VPS8: variants seen among roughly 807,000 people sequenced by gnomAD.
VPS8 encodes VPS8 subunit of CORVET complex.
In VPS8, 129 loss-of-function variants were observed where a neutral mutation model predicts 216.4. The observed-to-expected ratio is 0.60, with a 90% CI of 0.52 to 0.69. The LOEUF is 0.69. VPS8 is among the 30% of genes least tolerant of loss of function. The probability of loss-of-function intolerance (pLI) is 0.00; values close to 1 mark genes in which losing one functional copy is unlikely to be tolerated. For synonymous variants in VPS8, 571 were observed against 565.4 expected, an observed-to-expected ratio of 1.01 and a Z score of -0.14; for missense variants, 1,531 against 1,683.5, an observed-to-expected ratio of 0.91 and a Z score of 1.59.
At chr3:184,975,995 T>G (rs1186147583) in intron 40 of VPS8, among the ~76,000 whole-genome samples, 1 of 152,162 alleles carries the variant, frequency 6.6e-6, no homozygotes, top group Non-Finnish European at 1.5e-5. Flanking sequence ...TTGTCCTCCT[T>G]CCTCATTCCC....
chr3:184,875,054 A>G (rs967269102), intron 21 of VPS8, among the ~76,000 whole-genome samples: 4 of 146,040 alleles, frequency 2.7e-5, no homozygotes, highest in African/African-American at 1.0e-4. Flanking sequence ...GTGTTTTTAA[A>G]ACTTTTTTTT....
At chr3:184,928,934 A>C (rs1740182577) in intron 32 of VPS8, among the ~76,000 whole-genome samples, 1 of 152,204 alleles carries the variant, frequency 6.6e-6, no homozygotes, top group Non-Finnish European at 1.5e-5. Flanking sequence ...TGCTGTATTT[A>C]TATGACATGT....
intron 36 of VPS8, among the ~76,000 whole-genome samples, chr3:184,951,478 G>A (rs1433430824): frequency 6.8e-6 from 1 of 147,518 alleles, no homozygotes; most frequent in African/African-American, 2.5e-5. Flanking sequence ...GAGTGAGACT[G>A]TCTAAAAAAA....
chr3:184,940,270 T>TTTTATATATATATATATATATATATATA (rs142586532), intron 36 of VPS8, 27 bp downstream of exon 36: 1 of 522,720 alleles, frequency 1.9e-6, no homozygotes, highest in African/African-American at 1.9e-5. Context: ...TAGTCTTTCA[T>TTTTATATATATATATATATATATATATA]TATATATATA....
chr3:185,002,529 G>C (rs1753554930), intron 45 of VPS8, among the ~76,000 whole-genome samples: 1 of 152,098 alleles, frequency 6.6e-6, no homozygotes, highest in Non-Finnish European at 1.5e-5. Flanking sequence ...TGATTTCTGA[G>C]ATTTTGGTGC....
At chr3:184,819,314 AAG>A (rs1336959213) in intron 1 of VPS8, among the ~76,000 whole-genome samples, 1 of 151,404 alleles carries the variant, frequency 6.6e-6, no homozygotes, top group Non-Finnish European at 1.5e-5. Flanking sequence ...ATTTCATTCT[AAG>A]AGAGACTAAG....
intron 45 of VPS8, among the ~76,000 whole-genome samples, chr3:185,014,770 T>C (rs1755555946): frequency 6.6e-6 from 1 of 152,228 alleles, no homozygotes; most frequent in African/African-American, 2.4e-5. Flanking sequence ...CCTTGAAAAT[T>C]ACATGGGATG....
chr3:184,846,959 A>G (rs781303733), intron 8 of VPS8, among the ~76,000 whole-genome samples: 15 of 152,248 alleles, frequency 9.9e-5, no homozygotes, highest in Non-Finnish European at 1.6e-4. Flanking sequence ...CAGGAAAATT[A>G]TAGAATAAAG....
Position 184,921,278 on chromosome 3 carries a change from A to G in VPS8, c.2454+1080A>G, listed in dbSNP as rs73885618. Among the ~76,000 whole-genome samples, 372 of 152,342 alleles carry G rather than the reference A, an allele frequency of 2.4e-3. 1 individual carries two copies. The highest frequency in any genetic ancestry group is 8.5e-3 in the African/African-American group (355 of 41,582). On this transcript the variant is annotated intron_variant, in intron 29 of 47. Transcript: ENST00000625842. ...CAACCTGGTTTAGTAGAGTGACTTC[A>G]TAAACTCAGGGACGCAGATTCCTTC... is the stretch of plus-strand genomic sequence containing the variant.
At chr3:184,858,517 CTT>C (rs1044142553) in intron 14 of VPS8, among the ~76,000 whole-genome samples, 14 of 152,180 alleles carry the variant, frequency 9.2e-5, no homozygotes, top group African/African-American at 3.4e-4. Flanking sequence ...CCTTTATAGA[CTT>C]TTTCTAGATT....
At chr3:184,821,722 A>G (rs1475770945) in intron 1 of VPS8, among the ~76,000 whole-genome samples, 1 of 152,092 alleles carries the variant, frequency 6.6e-6, no homozygotes, top group African/African-American at 2.4e-5. Context: ...TTCTATCAAT[A>G]GAGGTTCATC....
chr3:184,820,741 CAA>C (rs1195675327), intron 1 of VPS8, among the ~76,000 whole-genome samples: 2 of 151,980 alleles, frequency 1.3e-5, no homozygotes. Context: ...TGGTAAGTGA[CAA>C]AAGAGGAACT....
intron 13 of VPS8, among the ~76,000 whole-genome samples, chr3:184,854,434 C>T (rs532952998): frequency 4.6e-5 from 7 of 152,284 alleles, no homozygotes; most frequent in Non-Finnish European, 1.5e-5. Flanking sequence ...AGACAGCATA[C>T]AGTTGGCTTT....
intron 5 of VPS8, among the ~76,000 whole-genome samples, chr3:184,835,909 A>T (rs1222244527): frequency 4.5e-4 from 69 of 151,726 alleles, no homozygotes; most frequent in Non-Finnish European, 1.5e-4. Flanking sequence ...CACGGTTTCA[A>T]CGTGTTAGCC....
chr3:184,821,230 A>C (rs890379661), intron 1 of VPS8, among the ~76,000 whole-genome samples: 1 of 152,196 alleles, frequency 6.6e-6, no homozygotes, highest in African/African-American at 2.4e-5. Context: ...GAAAGGGGGA[A>C]GTTGGGAGAG....
chr3:184,996,379 G>T lies in VPS8; in HGVS notation c.3714G>T (p.Trp1238Cys). 2 of 1,613,720 alleles carry T rather than the reference G, an allele frequency of 1.2e-6. No homozygotes were observed. The highest frequency in any genetic ancestry group is 1.7e-6 in the Non-Finnish European group (2 of 1,179,766). ...TTSLLNQDLH[W>C]SLCNLRASVT... Reference sequence around the variant, plus strand: ...GCCTTCTAAACCAAGATCTCCATTGGTCATTGTGTAACCTGAGAGCTTCGG... The same window carrying T: ...GCCTTCTAAACCAAGATCTCCATTGTTCATTGTGTAACCTGAGAGCTTCGG... Residue 1238 changes from tryptophan to cysteine, a missense_variant, in exon 44 of 48, where the codon TGG becomes TGT. Transcript: ENST00000625842.
At chr3:184,923,688 C>T (rs1316197897) in intron 29 of VPS8, among the ~76,000 whole-genome samples, 5 of 152,118 alleles carry the variant, frequency 3.3e-5, no homozygotes, top group Admixed American at 2.0e-4. Flanking sequence ...TCTATAGTTT[C>T]CCTCTTCCTG....
chr3:184,895,396 C>T (rs1489890983), intron 23 of VPS8, among the ~76,000 whole-genome samples: 1 of 151,836 alleles, frequency 6.6e-6, no homozygotes, highest in Non-Finnish European at 1.5e-5. Context: ...AAATACAGAG[C>T]ATGGTATATA....
chr3:184,982,922 T>C (rs1750450722), intron 41 of VPS8, 90 bp from the exon 42 acceptor site: 6 of 1,190,828 alleles, frequency 5.0e-6, no homozygotes, highest in Admixed American at 6.2e-5. Flanking sequence ...TAAGAAGCTA[T>C]ATAAATGCAC....
Sources: gnomAD v4.1 joint callset for allele counts (sites outside exome capture counted in the v4.1 genomes callset) on GRCh38, gnomAD v4.1.1 for gene constraint, MANE v1.5 for transcripts, NCBI Gene and HGNC (gene_info 2026-07-23, HGNC 2026-07-21) for gene names.